HABP4: variants seen among roughly 807,000 people sequenced by gnomAD.
HABP4 encodes intracellular hyaluronan-binding protein 4.
A neutral mutation model predicts 44.1 loss-of-function variants in HABP4; 32 were observed. That is an observed-to-expected ratio of 0.73 (90% CI 0.55 to 0.97). The LOEUF (loss-of-function observed/expected upper bound fraction) is 0.97, where lower values mean the gene tolerates loss of function less well. Ranked by LOEUF, HABP4 falls within the 50% of genes least tolerant of loss-of-function variation. The probability of loss-of-function intolerance (pLI) is 0.00; values close to 1 mark genes in which losing one functional copy is unlikely to be tolerated. For missense variants in HABP4, 503 were observed against 561.9 expected, an observed-to-expected ratio of 0.90 and a Z score of 1.06; for synonymous variants, 216 against 218.0, an observed-to-expected ratio of 0.99 and a Z score of 0.08.
intron 5 of HABP4, 41 bp from the exon 6 acceptor site, chr9:96,484,421 C>T: frequency 1.1e-6 from 1 of 875,402 alleles, no homozygotes; most frequent in Non-Finnish European, 1.8e-6. Flanking sequence ...CATTTTAGTA[C>T]CATCAAAAAG....
intron 5 of HABP4, among the ~76,000 whole-genome samples, chr9:96,475,405 A>AAAG (rs1304745322): frequency 2.7e-5 from 4 of 149,890 alleles, no homozygotes; most frequent in African/African-American, 1.0e-4. Flanking sequence ...AAAAAAAAAA[A>AAAG]AAGAAGAAAA....
chr9:96,467,138 G>A, intron 4 of HABP4, among the ~76,000 whole-genome samples: 1 of 152,054 alleles, frequency 6.6e-6, no homozygotes, highest in Non-Finnish European at 1.5e-5. Flanking sequence ...GGTCAGGCTG[G>A]TCTCGAACTC....
rs992796217 is a variant in HABP4 at position 96,490,609 on chromosome 9, T to C, written c.*571T>C. 1 of 152,390 alleles carries C rather than the reference T, an allele frequency of 6.6e-6. No individual in the cohort carries two copies. Among genetic ancestry groups the C allele is most frequent in the Non-Finnish European group, 1.5e-5 (1 of 68,158 alleles). The allele number at this position is 152,390 out of a possible 1,614,324, so 9.4% of individuals were successfully genotyped here. A position where few individuals can be genotyped will look rare whatever the true frequency, so the allele number is the denominator to read the frequency against. On this transcript the variant is annotated 3_prime_UTR_variant, in exon 8 of 8. Coordinates refer to ENST00000375249, the MANE Select transcript of HABP4 (RefSeq NM_014282.4). ...CTATTGTGTAGCCACTGGCCACCAC[T>C]CTGTGACACAGAATCAGAGAAAGCG...
rs1406636457 is a variant in HABP4, at chr9:96,450,642, G to A, written c.349+14G>A. ...TGCAGGCGCCGGGTACGCGGGGACA[G>A]CGGGGTTAGCGGACCACGGCTCGGC... On this transcript the variant is annotated intron_variant, in intron 1 of 7. Coordinates refer to ENST00000375249, the MANE Select transcript of HABP4 (RefSeq NM_014282.4). This position sits in a 1 kb window ranked among gnomAD's most constrained non-coding sequence, Gnocchi z 4.8. The A allele has an allele frequency of 1.6e-6, 2 of 1,260,912 alleles. No homozygotes were observed. Among genetic ancestry groups the A allele is most frequent in the Admixed American group, 4.2e-5 (1 of 24,012 alleles). 78.1% of individuals were successfully genotyped at this position (1,260,912 alleles called of 1,614,324 possible).
chr9:96,450,159 C>G, upstream of HABP4: 3 of 1,036,280 alleles, frequency 2.9e-6, no homozygotes, highest in Non-Finnish European at 3.6e-6. This position sits in a 1 kb window ranked among gnomAD's most constrained non-coding sequence, Gnocchi z 4.8. Context: ...CGGTAGGGGC[C>G]GGACAGGGTA....
chr9:96,489,178 A>AT (rs990199988), intron 7 of HABP4, among the ~76,000 whole-genome samples: 7 of 152,024 alleles, frequency 4.6e-5, no homozygotes, highest in African/African-American at 1.7e-4. Flanking sequence ...CAAAAACACA[A>AT]TTTTTTGGGC....
At position 96,457,513 on chromosome 9, in the gene HABP4, C is replaced by A. The variant is rs563802878; in HGVS notation, c.350-866C>A. On this transcript the variant is annotated intron_variant, in intron 1 of 7. Transcript: ENST00000375249. ...AAGTTATAACTGCAAGTCTATATAT[C>A]TCATAGAATAGCAGGAAAATCTGTT... Among the ~76,000 whole-genome samples, 28 of 152,322 alleles carry A rather than the reference C, an allele frequency of 1.8e-4. 1 individual carries two copies. The South Asian group carries it at 2.9e-3, about 16-fold the overall frequency.
At chr9:96,472,361 A>G (rs1832712969) in intron 5 of HABP4, among the ~76,000 whole-genome samples, 1 of 152,036 alleles carries the variant, frequency 6.6e-6, no homozygotes, top group Non-Finnish European at 1.5e-5. Flanking sequence ...ATTTCTCCTC[A>G]AAACCCTGAC....
rs200696039 is a variant in HABP4 at position 96,466,922 on chromosome 9, C to CTT, written c.743+1161_743+1162dup. 6.3e-4 allele frequency among the ~76,000 whole-genome samples: 85 copies of CTT among 134,902 alleles called. 1 individual carries two copies. Among genetic ancestry groups the CTT allele is most frequent in the Middle Eastern group, 3.4e-3 (1 of 290 alleles). The allele number at this position is 134,902 out of a possible 152,430, so 88.5% of individuals were successfully genotyped here. A position where few individuals can be genotyped will look rare whatever the true frequency, so the allele number is the denominator to read the frequency against. ...CTTTTCTTCTTTTGAAGAATATAAGCTTTTTTTTTTTTTTTTTTGAGACGG... is the reference window on the plus strand; with the variant it reads ...CTTTTCTTCTTTTGAAGAATATAAGCTTTTTTTTTTTTTTTTTTTTGAGACGG... On this transcript the variant is annotated intron_variant, in intron 4 of 7. Transcript: ENST00000375249.
intron 4 of HABP4, among the ~76,000 whole-genome samples, chr9:96,466,773 G>C (rs865971142): frequency 2.0e-4 from 31 of 152,244 alleles, no homozygotes; most frequent in African/African-American, 7.0e-4. Context: ...CACAGCTGGA[G>C]GGATGATGCC....
chr9:96,488,188 C>T lies in HABP4; in HGVS notation c.1099C>T (p.Pro367Ser). 6.2e-7 allele frequency: 1 copy of T among 1,613,578 alleles called. No homozygotes were observed. The highest frequency in any genetic ancestry group is 8.5e-7 in the Non-Finnish European group (1 of 1,179,460). Residue 367 changes from proline (P) to serine (S), a missense_variant, in exon 7 of 8, where the codon CCT becomes TCT. Around this residue, in one of 3 missense-constraint regions of HABP4, gnomAD observed 82 missense variants for 71.6 expected, o/e 1.15. Coordinates refer to ENST00000375249, the MANE Select transcript of HABP4 (RefSeq NM_014282.4). This position sits in a 1 kb window ranked among gnomAD's most constrained non-coding sequence, Gnocchi z 4.6. ...GATTAATTTTGGTAACCTCCCTCGT[C>T]CTGGGCGTGGAGCCAGAGGAGGCAC... ...LEINFGNLPRPGRGARGGTRG... is the reference protein window; with the variant it reads ...LEINFGNLPRSGRGARGGTRG...
Position 96,485,162 on chromosome 9 carries a change from C to T in HABP4, c.999+529C>T, listed in dbSNP as rs192012369. 1.6e-3 allele frequency among the ~76,000 whole-genome samples: 251 copies of T among 152,196 alleles called. 1 individual carries two copies. Among genetic ancestry groups the T allele is most frequent in the Admixed American group, 3.9e-3 (59 of 15,296 alleles). On this transcript the variant is annotated intron_variant, in intron 6 of 7. Transcript: ENST00000375249. Reference sequence around the variant, plus strand: ...CCGCCTCCCGGGTTCAAGCGATTCTCGTGCCTCAGCCTCCCAAGTAGCTGG... The same window carrying T: ...CCGCCTCCCGGGTTCAAGCGATTCTTGTGCCTCAGCCTCCCAAGTAGCTGG...
intron 1 of HABP4, among the ~76,000 whole-genome samples, chr9:96,452,575 G>A (rs551450695): frequency 2.3e-4 from 35 of 151,952 alleles, no homozygotes; most frequent in Non-Finnish European, 3.4e-4. Flanking sequence ...ATCAACTAAA[G>A]GTATTTAGTT....
intron 2 of HABP4, 40 bp downstream of exon 2, chr9:96,458,581 G>T: frequency 7.4e-7 from 1 of 1,354,600 alleles, no homozygotes; most frequent in Non-Finnish European, 1.0e-6. Flanking sequence ...TGGGGAACCA[G>T]AAAGGTTTTG....
At chr9:96,483,779 GGTTTTCTGCTAAGA>G (rs1248184230) in intron 5 of HABP4, 1 of 152,252 alleles carries the variant, frequency 6.6e-6, no homozygotes, top group East Asian at 1.9e-4. Flanking sequence ...TTTCTGCCTA[GGTTTTCTGCTAAGA>G]GTTTTATATT....
Position 96,484,599 on chromosome 9 carries a change from C to A in HABP4, c.965C>A (p.Ala322Asp). Residue 322 changes from alanine to aspartate, a missense_variant, in exon 6 of 8, where the codon GCC becomes GAC. Ala to Asp is a moderately radical substitution (Grantham distance 126). Coordinates refer to ENST00000375249, the MANE Select transcript of HABP4 (RefSeq NM_014282.4). ...CCAGAATCCACTGTTCCTTCCAAAG[C>A]CGTGGTGATTCACAAGTCAAAATAC... The part of the protein sequence containing the change: ...RKPESTVPSK[A>D]VVIHKSKYRD... The A allele has an allele frequency of 6.3e-7, 1 of 1,597,170 alleles. No homozygotes were observed. Among genetic ancestry groups the A allele is most frequent in the Non-Finnish European group, 8.6e-7 (1 of 1,164,652 alleles).
At chr9:96,486,151 C>T (rs536640503) in intron 6 of HABP4, among the ~76,000 whole-genome samples, 1 of 152,128 alleles carries the variant, frequency 6.6e-6, no homozygotes, top group African/African-American at 2.4e-5. Flanking sequence ...GAGATCACGC[C>T]ATTGCACTCC....
intron 3 of HABP4, 106 bp downstream of exon 3, chr9:96,465,604 T>C (rs745639731): frequency 9.6e-5 from 111 of 1,154,766 alleles, no homozygotes; most frequent in African/African-American, 4.7e-4. Context: ...TGTGCTGTTA[T>C]TCTTGTGAGA....
At chr9:96,456,801 AT>A in intron 1 of HABP4, among the ~76,000 whole-genome samples, 1 of 123,508 alleles carries the variant, frequency 8.1e-6, no homozygotes, top group South Asian at 2.8e-4. Context: ...ATATATATAT[AT>A]ATATATATAT....
Sources: allele counts gnomAD v4.1 joint callset (sites outside exome capture counted in the v4.1 genomes callset), GRCh38; gene constraint gnomAD v4.1.1; regional missense constraint gnomAD v4.1.1; non-coding constraint Gnocchi (gnomAD v3.1); transcripts MANE v1.5; gene names NCBI Gene and HGNC (gene_info 2026-07-23, HGNC 2026-07-21).